LOXL2: variants seen among roughly 807,000 people sequenced by gnomAD.
LOXL2 encodes the protein lysyl oxidase homolog 2.
In LOXL2, 70 loss-of-function variants were observed where a neutral mutation model predicts 93.0. That is an observed-to-expected ratio of 0.75 (90% CI 0.62 to 0.92). LOXL2 has a LOEUF of 0.92. Among genes scored for constraint, LOXL2 ranks in the 40% least tolerant of loss-of-function variants. The pLI, the probability that LOXL2 is intolerant of heterozygous loss-of-function variation, is 0.00. For synonymous variants in LOXL2, 438 were observed against 413.2 expected (o/e 1.06, Z -0.73); for missense variants, 973 against 1,054.9 (o/e 0.92, Z 1.08).
chr8:23,342,454 C>T (rs150082203), intron 3 of LOXL2, among the ~76,000 whole-genome samples: 2,629 of 146,380 alleles, frequency 0.018, 90 homozygotes, highest in East Asian at 0.12. Context: ...TTTTTTGAGA[C>T]GGAGTCTCGC....
chr8:23,372,624 C>T (rs6983061), intron 1 of LOXL2, among the ~76,000 whole-genome samples: 50,350 of 151,984 alleles, frequency 0.33, 8,553 homozygotes, highest in East Asian at 0.45. Flanking sequence ...TACGATCAAG[C>T]TGACCTTAAC....
chr8:23,329,655 A>C lies in LOXL2; in HGVS notation c.967-1090T>G, dbSNP rs572522282. Among the ~76,000 whole-genome samples, 532 of 152,296 alleles carry C rather than the reference A, an allele frequency of 3.5e-3. 2 individuals carry two copies. Among genetic ancestry groups the C allele is most frequent in the Non-Finnish European group, 5.7e-3 (385 of 68,028 alleles). On this transcript the variant is annotated intron_variant, in intron 5 of 13. Coordinates refer to ENST00000389131, the MANE Select transcript of LOXL2 (RefSeq NM_002318.3). The stretch of plus-strand genomic sequence containing the variant: ...CTACTGCTGATGCTCATTCAACTCC[A>C]CAGAGGGAGTGAGGAAGACTGTGTA...
chr8:23,355,094 C>A (rs936832919), intron 3 of LOXL2, among the ~76,000 whole-genome samples: 1 of 151,044 alleles, frequency 6.6e-6, no homozygotes, highest in African/African-American at 2.4e-5. Flanking sequence ...TTACAGGCGT[C>A]TGCCACCATG....
At chr8:23,384,813 C>T (rs56187610) in intron 1 of LOXL2, among the ~76,000 whole-genome samples, 22,300 of 152,054 alleles carry the variant, frequency 0.15, 1,646 homozygotes, top group East Asian at 0.22. Context: ...ACTTGGGAGG[C>T]TGAGGCAGGA....
intron 12 of LOXL2, 120 bp downstream of exon 12, chr8:23,301,907 C>T: frequency 7.9e-7 from 1 of 1,267,108 alleles, no homozygotes; most frequent in Non-Finnish European, 1.1e-6. Context: ...GGGGGTAGCA[C>T]CTTGCCCTTT....
At chr8:23,403,162 A>G (rs1800173755) in intron 1 of LOXL2, among the ~76,000 whole-genome samples, 1 of 152,198 alleles carries the variant, frequency 6.6e-6, no homozygotes, top group Admixed American at 6.5e-5. Context: ...CGCCTGCGTA[A>G]AAGTTGTAGG....
At chr8:23,361,111 G>A (rs1423053658) in intron 2 of LOXL2, among the ~76,000 whole-genome samples, 4 of 152,034 alleles carry the variant, frequency 2.6e-5, no homozygotes, top group Non-Finnish European at 5.9e-5. Context: ...ATGTTGGCCA[G>A]GATGGTCTTG....
chr8:23,385,753 C>T (rs1261188933), intron 1 of LOXL2: 1 of 580,842 alleles, frequency 1.7e-6, no homozygotes, highest in African/African-American at 1.9e-5. Context: ...CTCGTAGCCA[C>T]TTTCCAAAAG....
chr8:23,396,368 G>A (rs928343223), intron 1 of LOXL2, among the ~76,000 whole-genome samples: 4 of 151,948 alleles, frequency 2.6e-5, no homozygotes, highest in African/African-American at 7.3e-5. Context: ...ACGAGAGAGA[G>A]ATCAGGTGGG....
intron 11 of LOXL2, 88 bp from the exon 12 acceptor site, chr8:23,302,251 G>C: frequency 6.5e-7 from 1 of 1,539,132 alleles, no homozygotes; most frequent in Non-Finnish European, 8.9e-7. Context: ...CCCTACCGCT[G>C]CTTCATCTGG....
At chr8:23,328,766 G>A in intron 5 of LOXL2, 1 of 554,864 alleles carries the variant, frequency 1.8e-6, no homozygotes. Context: ...GTTGGGGTGT[G>A]GGAGCTTCCT....
At chr8:23,304,297 G>C (rs1257099179) in intron 10 of LOXL2, among the ~76,000 whole-genome samples, 2 of 152,238 alleles carry the variant, frequency 1.3e-5, no homozygotes, top group Non-Finnish European at 2.9e-5. Context: ...ACATGCGCTT[G>C]GTTTAGAATA....
intron 3 of LOXL2, among the ~76,000 whole-genome samples, chr8:23,342,730 C>T (rs1427045740): frequency 4.6e-5 from 7 of 151,716 alleles, no homozygotes; most frequent in South Asian, 2.1e-4. Flanking sequence ...CGTGCCCGGC[C>T]TTTTTTTTCT....
intron 12 of LOXL2, among the ~76,000 whole-genome samples, chr8:23,301,584 A>G (rs369243245): frequency 5.7e-4 from 87 of 152,320 alleles, no homozygotes; most frequent in African/African-American, 2.1e-3. Flanking sequence ...GATATTTGCA[A>G]GTGACTGGCT....
At chr8:23,342,580 C>CT (rs1803900494) in intron 3 of LOXL2, among the ~76,000 whole-genome samples, 1 of 151,954 alleles carries the variant, frequency 6.6e-6, no homozygotes, top group Non-Finnish European at 1.5e-5. Flanking sequence ...TACAGGCGCA[C>CT]GCCACCACAC....
At chr8:23,386,972 A>C (rs1804774386) in intron 1 of LOXL2, among the ~76,000 whole-genome samples, 1 of 152,158 alleles carries the variant, frequency 6.6e-6, no homozygotes, top group Non-Finnish European at 1.5e-5. Context: ...ATCCTGTTCA[A>C]ACCTAGTTTG....
intron 1 of LOXL2, among the ~76,000 whole-genome samples, chr8:23,390,076 G>A (rs570136274): frequency 5.9e-5 from 9 of 152,288 alleles, no homozygotes; most frequent in African/African-American, 2.2e-4. Context: ...CACATTTGGG[G>A]TCAGGGGCTA....
chr8:23,368,352 C>T lies in LOXL2; in HGVS notation c.-1G>A, dbSNP rs777818291. ...GGTGGGAGCACAGAGGCCTCTCCAT[C>T]CCTGTCTTCGGGCTGATGATCCCAC... On this transcript the variant is annotated 5_prime_UTR_variant, in exon 2 of 14. Coordinates refer to ENST00000389131, the MANE Select transcript of LOXL2 (RefSeq NM_002318.3). 1 of 1,610,502 alleles carries T rather than the reference C, an allele frequency of 6.2e-7. No homozygotes were observed. Among genetic ancestry groups the T allele is most frequent in the South Asian group, 1.1e-5 (1 of 91,072 alleles).
intron 1 of LOXL2, among the ~76,000 whole-genome samples, chr8:23,383,604 G>T (rs73549875): frequency 1.3e-5 from 2 of 149,392 alleles, no homozygotes; most frequent in Non-Finnish European, 3.0e-5. Flanking sequence ...GACATTTAAG[G>T]CTTAAGGAAT....
Sources: allele counts gnomAD v4.1 joint callset (sites outside exome capture counted in the v4.1 genomes callset), GRCh38; gene constraint gnomAD v4.1.1; transcripts MANE v1.5; gene names NCBI Gene and HGNC (gene_info 2026-07-23, HGNC 2026-07-21).